FCRL5: variants seen among roughly 807,000 people sequenced by gnomAD.
The protein encoded by FCRL5 is Fc receptor-like protein 5.
FCRL5 carries 79 observed loss-of-function variants against 92.1 expected under a neutral mutation model. The observed-to-expected ratio is 0.86, with a 90% CI of 0.72 to 1.03. FCRL5 has a LOEUF of 1.03. FCRL5 is among the 50% of genes least tolerant of loss of function. The pLI, the probability that FCRL5 is intolerant of heterozygous loss-of-function variation, is 0.00. For missense variants in FCRL5, 1,160 were observed against 1,181.1 expected, an observed-to-expected ratio of 0.98 and a Z score of 0.26; for synonymous variants, 466 against 469.3, an observed-to-expected ratio of 0.99 and a Z score of 0.09.
At chr1:157,548,818 C>T (rs1312920193) in intron 2 of FCRL5, among the ~76,000 whole-genome samples, 1 of 152,192 alleles carries the variant, frequency 6.6e-6, no homozygotes, top group Non-Finnish European at 1.5e-5. Flanking sequence ...GAAATAGGAA[C>T]ACTTTTACAC....
At chr1:157,544,711 C>A (rs528729057) in intron 4 of FCRL5, 120 bp downstream of exon 4, 131 of 1,453,476 alleles carry the variant, frequency 9.0e-5, no homozygotes, top group Non-Finnish European at 1.1e-4. Context: ...CTGCTCCTTG[C>A]AGGAATGTGT....
intron 3 of FCRL5, 84 bp downstream of exon 3, chr1:157,546,859 T>C (rs1043644688): frequency 1.3e-6 from 2 of 1,507,188 alleles, no homozygotes; most frequent in Admixed American, 3.9e-5. Flanking sequence ...TCATGAAGGG[T>C]CTGAGGTAAA....
intron 7 of FCRL5, among the ~76,000 whole-genome samples, chr1:157,535,590 C>T (rs1650932493): frequency 6.6e-6 from 1 of 151,978 alleles, no homozygotes; most frequent in Admixed American, 6.6e-5. Context: ...CAATAATCTA[C>T]TAAAGCTGAT....
At chr1:157,529,206 C>G (rs1650574881) in intron 8 of FCRL5, among the ~76,000 whole-genome samples, 1 of 151,956 alleles carries the variant, frequency 6.6e-6, no homozygotes, top group Non-Finnish European at 1.5e-5. Context: ...TGTAAACGTG[C>G]TCATCACTAT....
Position 157,518,514 on chromosome 1 carries a change from A to T in FCRL5, c.2744-17T>A, listed in dbSNP as rs145838148. 1 of 1,607,280 alleles carries T rather than the reference A, an allele frequency of 6.2e-7. No homozygotes were observed. Among genetic ancestry groups the T allele is most frequent in the African/African-American group, 1.3e-5 (1 of 74,896 alleles). On this transcript the variant is annotated splice_polypyrimidine_tract_variant and intron_variant, in intron 14 of 16. Transcript: ENST00000361835. ...TAGGATTTGCTTAGAAAAAAGTTGA[A>T]GTTTCAGAGGATGCTGAGGTTCTTG...
intron 8 of FCRL5, among the ~76,000 whole-genome samples, chr1:157,529,883 A>G (rs1272112017): frequency 6.6e-6 from 1 of 152,188 alleles, no homozygotes; most frequent in Non-Finnish European, 1.5e-5. Context: ...TCTGGCAACG[A>G]GTGCACCAAA....
chr1:157,518,350 G>T, intron 15 of FCRL5, 79 bp downstream of exon 15: 1 of 1,286,274 alleles, frequency 7.8e-7, no homozygotes, highest in South Asian at 1.2e-5. Context: ...GTCTGGCTCA[G>T]ATCTGCTGAG....
chr1:157,523,565 G>C (rs1165462771), intron 10 of FCRL5, among the ~76,000 whole-genome samples: 1 of 152,182 alleles, frequency 6.6e-6, no homozygotes, highest in Non-Finnish European at 1.5e-5. Context: ...TCTAAACAGA[G>C]GTTTCAAAGT....
chr1:157,549,330 A>G (rs905785332), intron 2 of FCRL5, among the ~76,000 whole-genome samples: 2 of 151,494 alleles, frequency 1.3e-5, no homozygotes, highest in African/African-American at 4.8e-5. Flanking sequence ...GATATACCTA[A>G]TGTTAAATGA....
rs1368493591 is a variant in FCRL5 at position 157,513,970 on chromosome 1, A to G, written c.*1705T>C. 1.3e-5 allele frequency: 2 copies of G among 152,188 alleles called. No individual in the cohort carries two copies. Among genetic ancestry groups the G allele is most frequent in the Non-Finnish European group, 2.9e-5 (2 of 68,042 alleles). 9.4% of individuals were successfully genotyped at this position (152,188 alleles called of 1,614,324 possible). A position where few individuals can be genotyped will look rare whatever the true frequency, so the allele number is the denominator to read the frequency against. On this transcript the variant is annotated 3_prime_UTR_variant, in exon 17 of 17. Transcript: ENST00000361835. ...CTATTTTAGTTGCATATCTGTAGTG[A>G]TGACAAATGCCTCCAGCCTTGTCCT...
In FCRL5 at chr1:157,544,302, G is replaced by A. The variant is rs148506545; in HGVS notation, c.804C>T (p.Ser268=). 34 of 1,613,982 alleles carry A rather than the reference G, an allele frequency of 2.1e-5. No individual in the cohort carries two copies. Among genetic ancestry groups the A allele is most frequent in the African/African-American group, 4.0e-5 (3 of 74,880 alleles). ...YWCKAATMPY[S]VISDSPRSWI... ...AGGATCTCGGGCTGTCAGATATGACGCTGTAAGGCATTGTTGCTGCCTTAC... is the reference window on the plus strand; with the variant it reads ...AGGATCTCGGGCTGTCAGATATGACACTGTAAGGCATTGTTGCTGCCTTAC... Residue 268 remains serine (S), a synonymous_variant, in exon 5 of 17, where the codon AGC becomes AGT. Transcript: ENST00000361835.
At position 157,547,113 on chromosome 1, in the gene FCRL5, C is replaced by T. The variant is rs1436369266; in HGVS notation, c.137G>A (p.Gly46Glu). The T allele has an allele frequency of 1.9e-6, 3 of 1,614,104 alleles. No homozygotes were observed. In the East Asian group the frequency reaches 6.7e-5, roughly 36 times the overall value. ...TTTCTGTGGTGAGTAGAAGCGAAAT[C>T]CCTTGCAAGTGAGGGTCACTCTCTC... is the stretch of plus-strand genomic sequence containing the variant. The part of the protein sequence containing the change: ...QGERVTLTCK[G>E]FRFYSPQKTK... The change falls in exon 3 of 17, where the codon GGA becomes GAA. Residue 46 changes from glycine (G) to glutamate (E), a missense_variant. Physicochemically the swap from Gly to Glu is moderately conservative, Grantham distance 98. Transcript: ENST00000361835.
intron 5 of FCRL5, among the ~76,000 whole-genome samples, 162 bp downstream of exon 5, chr1:157,544,100 T>G (rs750634193): frequency 8.5e-5 from 13 of 152,236 alleles, no homozygotes; most frequent in Non-Finnish European, 1.9e-4. Context: ...GTCTAAGCTC[T>G]TCTAAGATGT....
In FCRL5 at chr1:157,518,432, C is replaced by A. The variant is rs753540965; in HGVS notation, c.2809G>T (p.Ala937Ser). Residue 937 changes from alanine to serine, a missense_variant, in exon 15 of 17, where the codon GCA becomes TCA. Transcript: ENST00000361835. ...VRIIQEKKKH[A>S]VASDPRHLRN... ...CAGAGACATCCTTGGGTCTTACCTG[C>A]ATGTTTCTTTTTCTCTTGGATGATC... 3.1e-6 allele frequency: 5 copies of A among 1,613,236 alleles called. No homozygotes were observed. Among genetic ancestry groups the A allele is most frequent in the Admixed American group, 1.7e-5 (1 of 60,020 alleles).
chr1:157,548,124 G>T (rs370424254), intron 2 of FCRL5, among the ~76,000 whole-genome samples: 3 of 152,210 alleles, frequency 2.0e-5, no homozygotes, highest in Non-Finnish European at 4.4e-5. Flanking sequence ...TGGCTAAATG[G>T]GGTCTGTTGG....
At chr1:157,540,961 G>C (rs1232557579) in intron 6 of FCRL5, among the ~76,000 whole-genome samples, 1 of 152,168 alleles carries the variant, frequency 6.6e-6, no homozygotes, top group East Asian at 1.9e-4. Flanking sequence ...GAGGCCCCGA[G>C]TGGGTGAGTC....
At position 157,515,621 on chromosome 1, in the gene FCRL5, A is replaced by T. The variant is rs1280487186; in HGVS notation, c.*54T>A. ...CCCACTTCAATGCTGCTTCTCCCCC[A>T]AGGGGAACTTTGGGGTGCAGAGGCT... is the stretch of plus-strand genomic sequence containing the variant. On this transcript the variant is annotated 3_prime_UTR_variant, in exon 17 of 17. Transcript: ENST00000361835. 2 of 1,613,906 alleles carry T rather than the reference A, an allele frequency of 1.2e-6. No homozygotes were observed. The highest frequency in any genetic ancestry group is 3.3e-5 in the Admixed American group (2 of 60,012).
At position 157,514,204 on chromosome 1, in the gene FCRL5, T is replaced by C. The variant is rs1281063686; in HGVS notation, c.*1471A>G. 1 of 152,232 alleles carries C rather than the reference T, an allele frequency of 6.6e-6. No homozygotes were observed. Among genetic ancestry groups the C allele is most frequent in the Non-Finnish European group, 1.5e-5 (1 of 68,046 alleles). The allele number at this position is 152,232 out of a possible 1,614,324, so 9.4% of individuals were successfully genotyped here. A position where few individuals can be genotyped will look rare whatever the true frequency, so the allele number is the denominator to read the frequency against. ...CCGTGGGGCTTAAAAGTCATCACTG[T>C]ACAATCCACTGGGAGCAAAGATCAA... On this transcript the variant is annotated 3_prime_UTR_variant, in exon 17 of 17. Coordinates refer to ENST00000361835, the MANE Select transcript of FCRL5 (RefSeq NM_031281.3).
chr1:157,521,416 GA>G lies in FCRL5; in HGVS notation c.2240-125del. On this transcript the variant is annotated intron_variant, in intron 10 of 16. Transcript: ENST00000361835. ...TTGGAAAGTAGATTAAAACATAGAT[GA>G]TAAAGCTAATTACTTTGACCTGCTA... 2.5e-6 allele frequency: 3 copies of G among 1,195,162 alleles called. No individual in the cohort carries two copies. In the South Asian group the frequency reaches 5.4e-5, roughly 22 times the overall value. The allele number at this position is 1,195,162 out of a possible 1,614,324, so 74.0% of individuals were successfully genotyped here. A position where few individuals can be genotyped will look rare whatever the true frequency, so the allele number is the denominator to read the frequency against.
Sources: allele counts gnomAD v4.1 joint callset (sites outside exome capture counted in the v4.1 genomes callset), GRCh38; gene constraint gnomAD v4.1.1; transcripts MANE v1.5; gene names NCBI Gene and HGNC (gene_info 2026-07-23, HGNC 2026-07-21).